Variants in GNPTAB observed in about 807,000 individuals in gnomAD.
GNPTAB encodes the protein N-acetylglucosamine-1-phosphotransferase subunits alpha/beta.
A neutral mutation model predicts 136.6 loss-of-function variants in GNPTAB; 92 were observed. That is an observed-to-expected ratio of 0.67 (90% CI 0.57 to 0.80). The LOEUF is 0.80. GNPTAB is among the 30% of genes least tolerant of loss of function. The pLI, the probability that GNPTAB is intolerant of heterozygous loss-of-function variation, is 0.00. For missense variants in GNPTAB, 1,343 were observed against 1,501.8 expected (o/e 0.89, Z 1.75); for synonymous variants, 512 against 535.1 (o/e 0.96, Z 0.60).
At chr12:101,761,455 T>C in intron 14 of GNPTAB, 109 bp from the exon 15 acceptor site, 2 of 1,407,006 alleles carry the variant, frequency 1.4e-6, no homozygotes, top group South Asian at 1.2e-5. Context: ...ACCTTTAACA[T>C]ATTAGTCATC....
intron 10 of GNPTAB, among the ~76,000 whole-genome samples, chr12:101,768,528 GCA>G (rs1478017431): frequency 4.6e-5 from 7 of 152,210 alleles, no homozygotes; most frequent in South Asian, 2.1e-4. Context: ...TGGGAAGTAT[GCA>G]CAGTCACTGC....
chr12:101,808,653 T>C (rs1007119441), intron 1 of GNPTAB, among the ~76,000 whole-genome samples: 1 of 151,942 alleles, frequency 6.6e-6, no homozygotes, highest in Admixed American at 6.6e-5. Context: ...GTTGTACTAA[T>C]TAAAAACTTC....
rs1953073962 is a variant in GNPTAB, at chr12:101,765,322, A to G, written c.1613-18T>C. ...AAAATGATCTAGAGGAAAAAACAGA[A>G]ACATGATTTTTTTTTTAACTGGGCA... is the stretch of plus-strand genomic sequence containing the variant. On this transcript the variant is annotated intron_variant, in intron 12 of 20. Coordinates refer to ENST00000299314, the MANE Select transcript of GNPTAB (RefSeq NM_024312.5). The G allele has an allele frequency of 1.3e-6, 2 of 1,551,916 alleles. No individual in the cohort carries two copies. Among genetic ancestry groups the G allele is most frequent in the African/African-American group, 2.7e-5 (2 of 73,636 alleles).
At chr12:101,818,100 A>G (rs1207705079) in intron 1 of GNPTAB, among the ~76,000 whole-genome samples, 3 of 152,200 alleles carry the variant, frequency 2.0e-5, no homozygotes, top group Non-Finnish European at 4.4e-5. Context: ...GCAGCCCTTT[A>G]GAACTACTTT....
At chr12:101,811,648 T>C (rs2137175987) in intron 1 of GNPTAB, among the ~76,000 whole-genome samples, 1 of 150,838 alleles carries the variant, frequency 6.6e-6, no homozygotes, top group East Asian at 2.0e-4. Context: ...CTTTTTTTTT[T>C]TTTTTTTTGA....
chr12:101,796,191 A>T, intron 2 of GNPTAB: 1 of 701,416 alleles, frequency 1.4e-6, no homozygotes. Flanking sequence ...GCCAGGGCTC[A>T]GAAACCGCTG....
intron 19 of GNPTAB, among the ~76,000 whole-genome samples, chr12:101,750,101 A>T (rs557792364): frequency 6.6e-6 from 1 of 152,358 alleles, no homozygotes; most frequent in South Asian, 2.1e-4. Flanking sequence ...GGTAGAATCA[A>T]CTGGACCTGG....
intron 1 of GNPTAB, among the ~76,000 whole-genome samples, chr12:101,820,604 C>T (rs1478122240): frequency 1.3e-5 from 2 of 152,154 alleles, no homozygotes; most frequent in Non-Finnish European, 2.9e-5. Flanking sequence ...AGCATCAACC[C>T]CATGCCATGC....
chr12:101,796,836 T>A, intron 1 of GNPTAB, 74 bp from the exon 2 acceptor site: 2 of 990,270 alleles, frequency 2.0e-6, no homozygotes, highest in Non-Finnish European at 3.2e-6. Flanking sequence ...CATTTTAATT[T>A]CATTAGAATT....
At chr12:101,812,665 G>A (rs1870299778) in intron 1 of GNPTAB, among the ~76,000 whole-genome samples, 1 of 152,130 alleles carries the variant, frequency 6.6e-6, no homozygotes, top group Non-Finnish European at 1.5e-5. Flanking sequence ...GGAGGCTGAG[G>A]CAGGAGGATC....
chr12:101,822,285 A>C (rs755707588), intron 1 of GNPTAB, among the ~76,000 whole-genome samples: 106 of 152,216 alleles, frequency 7.0e-4, no homozygotes, highest in African/African-American at 1.6e-3. Flanking sequence ...AGGTGGCGGG[A>C]GCCTGTAGTC....
chr12:101,747,121 G>A lies in GNPTAB; in HGVS notation c.*43C>T, dbSNP rs79089208. 7.3e-3 allele frequency: 7,954 copies of A among 1,088,824 alleles called. 405 individuals carry two copies. The African/African-American group carries it at 0.11, about 15-fold the overall frequency. 67.4% of individuals were successfully genotyped at this position (1,088,824 alleles called of 1,614,324 possible). A position where few individuals can be genotyped will look rare whatever the true frequency, so the allele number is the denominator to read the frequency against. The stretch of plus-strand genomic sequence containing the variant: ...TCTCTGTGAAGCTGAGTTTTAAAAT[G>A]CTCAGTAAATGCTGAGGTAGATGGT... On this transcript the variant is annotated 3_prime_UTR_variant, in exon 21 of 21. Coordinates refer to ENST00000299314, the MANE Select transcript of GNPTAB (RefSeq NM_024312.5).
Position 101,749,192 on chromosome 12 carries a change from C to T in GNPTAB, c.3603-1G>A, listed in dbSNP as rs35576380. Reference sequence around the variant, plus strand: ...CTTCAATTTGTCTCGATAAGCCCTCCTGTGCAGAGAGAAGAAAGCAACTAT... The same window carrying T: ...CTTCAATTTGTCTCGATAAGCCCTCTTGTGCAGAGAGAAGAAAGCAACTAT... On this transcript the variant is annotated splice_acceptor_variant, in intron 19 of 20. Transcript: ENST00000299314. LOFTEE classifies it high-confidence loss of function. 6.3e-7 allele frequency: 1 copy of T among 1,591,274 alleles called. No individual in the cohort carries two copies. Among genetic ancestry groups the T allele is most frequent in the Non-Finnish European group, 8.6e-7 (1 of 1,159,310 alleles).
chr12:101,775,337 C>G (rs1038345481), intron 7 of GNPTAB, among the ~76,000 whole-genome samples: 1 of 151,338 alleles, frequency 6.6e-6, no homozygotes. Context: ...AGTGATTCAA[C>G]AATTCAAAGC....
chr12:101,771,513 G>T (rs527379339), intron 7 of GNPTAB, among the ~76,000 whole-genome samples: 118 of 152,180 alleles, frequency 7.8e-4, no homozygotes, highest in Middle Eastern at 3.4e-3. Flanking sequence ...CAAAGTGCTG[G>T]GATTACAGGC....
chr12:101,749,180 C>A lies in GNPTAB; in HGVS notation c.3614G>T (p.Arg1205Leu), dbSNP rs143943289. 1 of 1,605,110 alleles carries A rather than the reference C, an allele frequency of 6.2e-7. No individual in the cohort carries two copies. Among genetic ancestry groups the A allele is most frequent in the South Asian group, 1.1e-5 (1 of 90,918 alleles). ...MHELQEWRAY[R>L]DKLKFWTHCV... ...ATGGGTCCAAAACTTCAATTTGTCT[C>A]GATAAGCCCTCCTGTGCAGAGAGAA... Residue 1205 changes from arginine to leucine, a missense_variant, in exon 20 of 21, where the codon CGA (arginine) becomes CTA (leucine). By Grantham distance (102) the Arg-to-Leu change is moderately radical (BLOSUM62 -2). Coordinates refer to ENST00000299314, the MANE Select transcript of GNPTAB (RefSeq NM_024312.5).
rs776992497 is a variant in GNPTAB at position 101,788,601 on chromosome 12, C to A, written c.324-12G>T. The A allele has an allele frequency of 1.4e-6, 2 of 1,456,436 alleles. No individual in the cohort carries two copies. Among genetic ancestry groups the A allele is most frequent in the South Asian group, 2.3e-5 (2 of 87,754 alleles). The allele number at this position is 1,456,436 out of a possible 1,614,324, so 90.2% of individuals were successfully genotyped here. On this transcript the variant is annotated splice_polypyrimidine_tract_variant and intron_variant, in intron 3 of 20. Coordinates refer to ENST00000299314, the MANE Select transcript of GNPTAB (RefSeq NM_024312.5). Reference sequence around the variant, plus strand: ...TCCCAAGGATTTCTCTAATAAAAAGCAAATACAGTTTATTACATACATATG... The same window carrying A: ...TCCCAAGGATTTCTCTAATAAAAAGAAAATACAGTTTATTACATACATATG...
At chr12:101,810,050 A>C (rs1247345691) in intron 1 of GNPTAB, among the ~76,000 whole-genome samples, 1 of 152,132 alleles carries the variant, frequency 6.6e-6, no homozygotes, top group Non-Finnish European at 1.5e-5. Context: ...AGGCCAATGC[A>C]GGAGAATCCC....
chr12:101,781,821 T>G (rs1868365016), intron 5 of GNPTAB, among the ~76,000 whole-genome samples: 1 of 152,242 alleles, frequency 6.6e-6, no homozygotes, highest in Non-Finnish European at 1.5e-5. Flanking sequence ...CTTTTCTCTC[T>G]CTCTTTCCAT....
Sources: gnomAD v4.1 joint callset for allele counts (sites outside exome capture counted in the v4.1 genomes callset) on GRCh38, gnomAD v4.1.1 for gene constraint, MANE v1.5 for transcripts, NCBI Gene and HGNC (gene_info 2026-07-23, HGNC 2026-07-21) for gene names.